Variants in PAPPA2 observed in about 807,000 individuals in gnomAD.
PAPPA2 encodes pappalysin-2.
In PAPPA2, 86 loss-of-function variants were observed where a neutral mutation model predicts 176.4. That is an observed-to-expected ratio of 0.49 (90% confidence interval 0.41 to 0.58). The LOEUF is 0.58. Among genes scored for constraint, PAPPA2 ranks in the 20% least tolerant of loss-of-function variants. The probability of loss-of-function intolerance (pLI) is 0.00; values close to 1 mark genes in which losing one functional copy is unlikely to be tolerated. For missense variants in PAPPA2, 2,073 were observed against 2,256.9 expected, an observed-to-expected ratio of 0.92 and a Z score of 1.65; for synonymous variants, 809 against 852.2, an observed-to-expected ratio of 0.95 and a Z score of 0.88.
At chr1:176,623,769 T>TCC (rs1655829666) in intron 3 of PAPPA2, among the ~76,000 whole-genome samples, 1 of 111,720 alleles carries the variant, frequency 9.0e-6, no homozygotes, top group Admixed American at 1.0e-4. Flanking sequence ...CTTTCTTTCT[T>TCC]TCTTTCTTTC....
chr1:176,658,642 A>T (rs1309439892), intron 3 of PAPPA2, among the ~76,000 whole-genome samples: 1 of 151,926 alleles, frequency 6.6e-6, no homozygotes. Context: ...AAGATATAGA[A>T]GGAGGATAGC....
At chr1:176,745,936 G>T (rs1259255614) in intron 14 of PAPPA2, among the ~76,000 whole-genome samples, 1 of 152,176 alleles carries the variant, frequency 6.6e-6, no homozygotes, top group Non-Finnish European at 1.5e-5. Context: ...GAACTTTCTG[G>T]GAGTCTCCCC....
At position 176,545,253 on chromosome 1, in the gene PAPPA2, C is replaced by T. The variant is rs917977518; in HGVS notation, c.-916-10154C>T. Among the ~76,000 whole-genome samples, 7 of 151,888 alleles carry T rather than the reference C, an allele frequency of 4.6e-5. No homozygotes were observed. In the South Asian group the frequency reaches 8.3e-4, roughly 18 times the overall value. On this transcript the variant is annotated intron_variant, in intron 1 of 22. Coordinates refer to ENST00000367662, the MANE Select transcript of PAPPA2 (RefSeq NM_020318.3). The stretch of plus-strand genomic sequence containing the variant: ...CAGGTGTGATTGAAGGAGCTTGCTA[C>T]GAATAACAAAAAATGCTCCTTTCAC...
intron 2 of PAPPA2, among the ~76,000 whole-genome samples, chr1:176,593,178 A>G (rs1653761766): frequency 1.3e-5 from 2 of 152,222 alleles, no homozygotes; most frequent in African/African-American, 4.8e-5. Context: ...GAAGACAGAA[A>G]AGATATTCTG....
At chr1:176,602,105 G>A (rs1654358734) in intron 3 of PAPPA2, among the ~76,000 whole-genome samples, 1 of 152,156 alleles carries the variant, frequency 6.6e-6, no homozygotes, top group Non-Finnish European at 1.5e-5. Context: ...AGCAGAAAAT[G>A]GGGATACTGC....
chr1:176,615,606 C>T (rs1279590418), intron 3 of PAPPA2, among the ~76,000 whole-genome samples: 1 of 152,120 alleles, frequency 6.6e-6, no homozygotes. Flanking sequence ...GGATTACAGG[C>T]GTCAGCCACC....
At chr1:176,597,713 T>C (rs1055889950) in intron 3 of PAPPA2, among the ~76,000 whole-genome samples, 3 of 152,036 alleles carry the variant, frequency 2.0e-5, no homozygotes, top group Non-Finnish European at 2.9e-5. Flanking sequence ...GAAAATTGTG[T>C]TTGGATTTGG....
At chr1:176,598,159 A>G (rs1329940103) in intron 3 of PAPPA2, among the ~76,000 whole-genome samples, 3 of 152,224 alleles carry the variant, frequency 2.0e-5, no homozygotes, top group African/African-American at 7.2e-5. Flanking sequence ...ATATCAAATT[A>G]TACCAAAAGA....
chr1:176,825,557 A>C (rs1238308367), intron 21 of PAPPA2, among the ~76,000 whole-genome samples: 1 of 152,202 alleles, frequency 6.6e-6, no homozygotes, highest in Non-Finnish European at 1.5e-5. Context: ...GGTCGTTAGA[A>C]GGTGCAAAGA....
chr1:176,837,478 CAA>C (rs35134966), intron 21 of PAPPA2, among the ~76,000 whole-genome samples: 44,652 of 94,592 alleles, frequency 0.47, 6,611 homozygotes, highest in East Asian at 0.53. Flanking sequence ...TGTTAAAAGG[CAA>C]AAAAAAAAAA....
chr1:176,476,642 A>G (rs1414671420), intron 1 of PAPPA2, among the ~76,000 whole-genome samples: 1 of 152,154 alleles, frequency 6.6e-6, no homozygotes, highest in African/African-American at 2.4e-5. Context: ...AGCACTTTGG[A>G]CCTTCACTTC....
intron 3 of PAPPA2, among the ~76,000 whole-genome samples, chr1:176,612,851 A>T (rs1221149416): frequency 6.6e-6 from 1 of 152,176 alleles, no homozygotes; most frequent in Non-Finnish European, 1.5e-5. Context: ...ATTTTACAGA[A>T]GAGGAATCAA....
intron 3 of PAPPA2, among the ~76,000 whole-genome samples, chr1:176,656,824 A>G (rs1658063771): frequency 6.6e-6 from 1 of 151,670 alleles, no homozygotes; most frequent in Non-Finnish European, 1.5e-5. Flanking sequence ...TATTTTTGAC[A>G]GCATACATGC....
At chr1:176,540,854 G>C (rs1650325051) in intron 1 of PAPPA2, among the ~76,000 whole-genome samples, 1 of 152,114 alleles carries the variant, frequency 6.6e-6, no homozygotes, top group Non-Finnish European at 1.5e-5. Context: ...GACAACTAGA[G>C]CCTCCCCACC....
chr1:176,623,642 TC>T (rs1190010785), intron 3 of PAPPA2, among the ~76,000 whole-genome samples: 8 of 125,190 alleles, frequency 6.4e-5, no homozygotes, highest in Admixed American at 1.5e-4. Context: ...TTTCTTTCTT[TC>T]TTTCTTTCTT....
At chr1:176,465,469 A>T (rs2102457323) in intron 1 of PAPPA2, among the ~76,000 whole-genome samples, 1 of 152,274 alleles carries the variant, frequency 6.6e-6, no homozygotes, top group Middle Eastern at 3.4e-3. Context: ...TACTTGTTAG[A>T]TTAGACGCAT....
At chr1:176,766,043 G>A (rs1303319000) in intron 15 of PAPPA2, among the ~76,000 whole-genome samples, 1 of 152,222 alleles carries the variant, frequency 6.6e-6, no homozygotes, top group Non-Finnish European at 1.5e-5. Context: ...AAGTGGGTTG[G>A]TGGGCAGTAA....
intron 3 of PAPPA2, among the ~76,000 whole-genome samples, chr1:176,612,077 T>C (rs1654958176): frequency 6.6e-6 from 1 of 152,108 alleles, no homozygotes; most frequent in South Asian, 2.1e-4. Flanking sequence ...AATATGAATT[T>C]AAAAAGGGAA....
chr1:176,655,767 G>A (rs886759512), intron 3 of PAPPA2, among the ~76,000 whole-genome samples: 3 of 151,786 alleles, frequency 2.0e-5, no homozygotes, highest in Non-Finnish European at 4.4e-5. Context: ...CACATTAAAA[G>A]CTCTGACATC....
Sources: gnomAD v4.1 joint callset for allele counts (sites outside exome capture counted in the v4.1 genomes callset) on GRCh38, gnomAD v4.1.1 for gene constraint, MANE v1.5 for transcripts, NCBI Gene and HGNC (gene_info 2026-07-23, HGNC 2026-07-21) for gene names.